Variants in AAK1 observed in about 807,000 individuals in gnomAD.
AAK1 encodes the protein AP2 associated kinase 1, also known as AP2-associated protein kinase 1.
A neutral mutation model predicts 116.0 loss-of-function variants in AAK1; 37 were observed. The ratio of observed to expected loss-of-function variants is 0.32; its 90% CI spans 0.25 to 0.42. The LOEUF is 0.42. Ranked by LOEUF, AAK1 falls within the 10% of genes least tolerant of loss-of-function variation. The pLI, the probability that AAK1 is intolerant of heterozygous loss-of-function variation, is 1.00. For synonymous variants in AAK1, 458 were observed against 439.9 expected, an observed-to-expected ratio of 1.04 and a Z score of -0.51; for missense variants, 919 against 1,170.6, an observed-to-expected ratio of 0.79 and a Z score of 3.14.
At chr2:69,530,572 T>C in intron 7 of AAK1, 53 bp downstream of exon 7, 6 of 1,458,100 alleles carry the variant, frequency 4.1e-6, no homozygotes, top group Non-Finnish European at 3.8e-6. Flanking sequence ...CCTTGGGAAT[T>C]CACAGTCAAG....
chr2:69,586,322 G>C (rs1448159938), intron 2 of AAK1, among the ~76,000 whole-genome samples: 3 of 152,138 alleles, frequency 2.0e-5, no homozygotes, highest in African/African-American at 7.2e-5. Flanking sequence ...TACCAGGCTG[G>C]TAATGAGGCA....
chr2:69,534,258 G>A (rs1670371629), intron 5 of AAK1, among the ~76,000 whole-genome samples: 1 of 152,178 alleles, frequency 6.6e-6, no homozygotes, highest in African/African-American at 2.4e-5. Context: ...GTACAGCTGG[G>A]AAGTGAACCT....
At position 69,458,310 on chromosome 2, in the gene AAK1, T is replaced by C. The variant is rs948059053; in HGVS notation, c.*17559A>G. 5.6e-5 allele frequency: 8 copies of C among 142,288 alleles called. No homozygotes were observed. The highest frequency in any genetic ancestry group is 3.4e-4 in the Admixed American group (5 of 14,874). The allele number at this position is 142,288 out of a possible 1,614,324, so 8.8% of individuals were successfully genotyped here. A position where few individuals can be genotyped will look rare whatever the true frequency, so the allele number is the denominator to read the frequency against. On this transcript the variant is annotated 3_prime_UTR_variant, in exon 22 of 22. Coordinates refer to ENST00000409085, the MANE Select transcript of AAK1 (RefSeq NM_014911.5). The stretch of plus-strand genomic sequence containing the variant: ...GTCAGCAGAGGGAGTTCACCTCTTC[T>C]CCACGGAATGAGCGTGGTCCTTGTC...
In AAK1 at chr2:69,466,977, CT is replaced by C; in HGVS notation, c.*8891del. ...GTCTGGGGATGACTCAATTCAGAAT[CT>C]GGCATGTGGTCATCCGCGCCACATG... On this transcript the variant is annotated 3_prime_UTR_variant, in exon 22 of 22. Coordinates refer to ENST00000409085, the MANE Select transcript of AAK1 (RefSeq NM_014911.5). 2 of 985,422 alleles carry C rather than the reference CT, an allele frequency of 2.0e-6. No individual in the cohort carries two copies. The highest frequency in any genetic ancestry group is 2.4e-6 in the Non-Finnish European group (2 of 829,934). The allele number at this position is 985,422 out of a possible 1,614,324, so 61.0% of individuals were successfully genotyped here.
At position 69,532,106 on chromosome 2, in the gene AAK1, G is replaced by A. The variant is rs1251610635; in HGVS notation, c.591C>T (p.Ser197=). 1.9e-6 allele frequency: 3 copies of A among 1,613,624 alleles called. No homozygotes were observed. Among genetic ancestry groups the A allele is most frequent in the Non-Finnish European group, 1.7e-6 (2 of 1,179,650 alleles). The stretch of plus-strand genomic sequence containing the variant: ...GTGGATTCTGGAATTTGTTGGTGGC[G>A]CTTCCAAAGTCACACAGGACATAGT... ...RGHYVLCDFG[S]ATNKFQNPQT... The change falls in exon 6 of 22, where the codon AGC becomes AGT. Residue 197 remains serine (S), a synonymous_variant. Transcript: ENST00000409085.
intron 2 of AAK1, among the ~76,000 whole-genome samples, chr2:69,625,628 G>C (rs530736649): frequency 1.3e-5 from 2 of 152,264 alleles, no homozygotes; most frequent in South Asian, 4.2e-4. Flanking sequence ...CAGTTCAGGA[G>C]TACTTTCCAC....
At chr2:69,578,950 C>G (rs1439086533) in intron 2 of AAK1, among the ~76,000 whole-genome samples, 1 of 152,048 alleles carries the variant, frequency 6.6e-6, no homozygotes, top group Non-Finnish European at 1.5e-5. Flanking sequence ...ACTACAGGTG[C>G]GTGCCACCAT....
chr2:69,611,710 C>T (rs1413250577), intron 2 of AAK1, among the ~76,000 whole-genome samples: 2 of 152,186 alleles, frequency 1.3e-5, no homozygotes, highest in Non-Finnish European at 1.5e-5. Flanking sequence ...TTCACAGCAA[C>T]ATTTCTCACA....
chr2:69,598,344 C>A, intron 2 of AAK1: 2 of 335,500 alleles, frequency 6.0e-6, no homozygotes, highest in South Asian at 1.5e-4. Flanking sequence ...TCATGGTGTT[C>A]CCTCCATACT....
At position 69,470,197 on chromosome 2, in the gene AAK1, G is replaced by A. The variant is rs985594392; in HGVS notation, c.*5672C>T. On this transcript the variant is annotated 3_prime_UTR_variant, in exon 22 of 22. Coordinates refer to ENST00000409085, the MANE Select transcript of AAK1 (RefSeq NM_014911.5). ...CCAAAAACTGAAAGAACGGTTACAG[G>A]GAGTATCAAAGATATGATTCTTGCC... 12 of 985,276 alleles carry A rather than the reference G, an allele frequency of 1.2e-5. No individual in the cohort carries two copies. Among genetic ancestry groups the A allele is most frequent in the Non-Finnish European group, 1.4e-5 (12 of 829,942 alleles). The allele number at this position is 985,276 out of a possible 1,614,324, so 61.0% of individuals were successfully genotyped here. A position where few individuals can be genotyped will look rare whatever the true frequency, so the allele number is the denominator to read the frequency against.
chr2:69,588,102 A>T (rs1372240562), intron 2 of AAK1, among the ~76,000 whole-genome samples: 1 of 152,112 alleles, frequency 6.6e-6, no homozygotes, highest in African/African-American at 2.4e-5. Context: ...CTTTGGAGTT[A>T]GATAAGGGTT....
chr2:69,533,326 G>T (rs923058949), intron 5 of AAK1, among the ~76,000 whole-genome samples: 1 of 152,176 alleles, frequency 6.6e-6, no homozygotes, highest in East Asian at 1.9e-4. Flanking sequence ...GTGTGTGTAT[G>T]TGTGTGCAAA....
At chr2:69,479,208 A>C in intron 19 of AAK1, 147 bp from the exon 20 acceptor site, 19 of 587,094 alleles carry the variant, frequency 3.2e-5, no homozygotes, top group East Asian at 8.8e-5. Context: ...ACCAAAAGAA[A>C]TGTGTGGAGC....
intron 2 of AAK1, among the ~76,000 whole-genome samples, chr2:69,572,808 CA>C (rs776903788): frequency 7.2e-5 from 11 of 152,032 alleles, no homozygotes; most frequent in Admixed American, 2.6e-4. Flanking sequence ...ACTGTGCTTC[CA>C]AAAGACCTGA....
Position 69,527,319 on chromosome 2 carries a change from C to T in AAK1, c.872G>A (p.Arg291Lys), listed in dbSNP as rs1670067330. 1 of 1,574,496 alleles carries T rather than the reference C, an allele frequency of 6.4e-7. No homozygotes were observed. Among genetic ancestry groups the T allele is most frequent in the Non-Finnish European group, 8.7e-7 (1 of 1,148,958 alleles). Reference protein sequence around the residue: ...RYSQDMHCLIRYMLEPDPDKR... With the variant: ...RYSQDMHCLIKYMLEPDPDKR... ...GTCAGGGTCTGGTTCCAACATATAC[C>T]CTAAGGCAAACATGTGAATTTATTT... Residue 291 changes from arginine (R) to lysine (K), a missense_variant and splice_region_variant, in exon 9 of 22, where the codon AGG becomes AAG. Coordinates refer to ENST00000409085, the MANE Select transcript of AAK1 (RefSeq NM_014911.5).
At chr2:69,606,803 C>T (rs1030455460) in intron 2 of AAK1, among the ~76,000 whole-genome samples, 19 of 152,136 alleles carry the variant, frequency 1.2e-4, no homozygotes, top group African/African-American at 4.3e-4. Flanking sequence ...TGGTAGCCCA[C>T]GCCTATAATC....
rs1304327419 is a variant in AAK1 at position 69,480,904 on chromosome 2, T to C, written c.2525A>G (p.Gln842Arg). 1 of 1,607,150 alleles carries C rather than the reference T, an allele frequency of 6.2e-7. No homozygotes were observed. The highest frequency in any genetic ancestry group is 8.5e-7 in the Non-Finnish European group (1 of 1,177,444). Reference sequence around the variant, plus strand: ...AGATTCCGTCTGAGATGGGAGGCGCTGGGGAACTGGGGGCTCCAGTCCTGG... The same window carrying C: ...AGATTCCGTCTGAGATGGGAGGCGCCGGGGAACTGGGGGCTCCAGTCCTGG... ...LIPGLEPPVP[Q>R]RLPSQTESVT... Residue 842 changes from glutamine (Q) to arginine (R), a missense_variant, in exon 19 of 22, where the codon CAG (glutamine) becomes CGG (arginine). By Grantham distance (43) the Gln-to-Arg change is conservative. Coordinates refer to ENST00000409085, the MANE Select transcript of AAK1 (RefSeq NM_014911.5).
At position 69,475,629 on chromosome 2, in the gene AAK1, A is replaced by C; in HGVS notation, c.*240T>G. On this transcript the variant is annotated 3_prime_UTR_variant, in exon 22 of 22. Coordinates refer to ENST00000409085, the MANE Select transcript of AAK1 (RefSeq NM_014911.5). ...TTGATTTAAGATAATGCTATTGAAG[A>C]AGGGTAATGAGAAAACACAGCAAAC... 7.7e-7 allele frequency: 1 copy of C among 1,296,944 alleles called. No individual in the cohort carries two copies. The highest frequency in any genetic ancestry group is 9.8e-7 in the Non-Finnish European group (1 of 1,019,124). 80.3% of individuals were successfully genotyped at this position (1,296,944 alleles called of 1,614,324 possible).
chr2:69,521,896 C>T (rs1463893301), intron 10 of AAK1, among the ~76,000 whole-genome samples: 2 of 152,208 alleles, frequency 1.3e-5, no homozygotes, highest in Non-Finnish European at 2.9e-5. Flanking sequence ...AGTCTAGATC[C>T]CTGAGGGCCT....
Sources: allele counts gnomAD v4.1 joint callset (sites outside exome capture counted in the v4.1 genomes callset), GRCh38; gene constraint gnomAD v4.1.1; transcripts MANE v1.5; gene names NCBI Gene and HGNC (gene_info 2026-07-23, HGNC 2026-07-21).